The following PIP5K1B variants were observed in gnomAD, a reference collection of about 807,000 sequenced individuals.
PIP5K1B encodes the protein phosphatidylinositol 4-phosphate 5-kinase type-1 beta.
Under a neutral mutation model 67.0 loss-of-function variants are expected in PIP5K1B, and 42 were observed. That is an observed-to-expected ratio of 0.63 (90% CI 0.49 to 0.81). PIP5K1B has a LOEUF of 0.81. Among genes scored for constraint, PIP5K1B ranks in the 30% least tolerant of loss-of-function variants. PIP5K1B has a pLI of 0.00. For missense variants in PIP5K1B, 459 were observed against 646.3 expected, an observed-to-expected ratio of 0.71 and a Z score of 3.14; for synonymous variants, 214 against 231.4, an observed-to-expected ratio of 0.92 and a Z score of 0.68.
At chr9:68,891,499 A>G (rs1824785794) in intron 7 of PIP5K1B, among the ~76,000 whole-genome samples, 1 of 151,790 alleles carries the variant, frequency 6.6e-6, no homozygotes, top group Admixed American at 6.6e-5. Context: ...TTGTACATTT[A>G]TCAGTCTTCC....
At chr9:68,946,912 A>G (rs922909568) in intron 14 of PIP5K1B, among the ~76,000 whole-genome samples, 1 of 152,240 alleles carries the variant, frequency 6.6e-6, no homozygotes, top group Non-Finnish European at 1.5e-5. Flanking sequence ...GTGAATTACT[A>G]TACTACTGCC....
At chr9:68,768,931 G>T (rs1009555621) in intron 2 of PIP5K1B, among the ~76,000 whole-genome samples, 1 of 152,120 alleles carries the variant, frequency 6.6e-6, no homozygotes, top group African/African-American at 2.4e-5. Flanking sequence ...AAAGATACTG[G>T]GCAAACCTTC....
intron 14 of PIP5K1B, among the ~76,000 whole-genome samples, chr9:68,941,580 A>G (rs927607310): frequency 8.5e-5 from 13 of 152,236 alleles, no homozygotes; most frequent in African/African-American, 2.9e-4. Flanking sequence ...AGTGTTATAA[A>G]AATAGAAACA....
chr9:68,979,961 C>T (rs1829819764), intron 14 of PIP5K1B, among the ~76,000 whole-genome samples: 2 of 152,270 alleles, frequency 1.3e-5, no homozygotes, highest in South Asian at 2.1e-4. Flanking sequence ...TGGTGGCAGG[C>T]GGCTAAGCAT....
chr9:68,896,983 T>C (rs1825122112), intron 8 of PIP5K1B, among the ~76,000 whole-genome samples: 1 of 152,150 alleles, frequency 6.6e-6, no homozygotes, highest in African/African-American at 2.4e-5. Context: ...TACCTCTCTC[T>C]CTCTTCAGGT....
At chr9:68,778,240 C>T (rs774313042) in intron 2 of PIP5K1B, among the ~76,000 whole-genome samples, 3 of 152,180 alleles carry the variant, frequency 2.0e-5, no homozygotes, top group African/African-American at 7.2e-5. Context: ...GAACCTCAAT[C>T]GTTCCTTCGT....
At chr9:68,815,471 A>G (rs945594222) in intron 2 of PIP5K1B, among the ~76,000 whole-genome samples, 8 of 152,164 alleles carry the variant, frequency 5.3e-5, no homozygotes, top group African/African-American at 1.9e-4. Context: ...AGGAATGAGG[A>G]AAAAAAATTG....
In PIP5K1B at chr9:69,008,573, C is replaced by T. The variant is rs559593464; in HGVS notation, c.*124C>T. ...GCCCCACTACACACAGAGAAATCAT[C>T]AACCTGACTTAAGAGTTTTCAAGAT... On this transcript the variant is annotated 3_prime_UTR_variant, in exon 16 of 16. Transcript: ENST00000265382. 1 of 929,032 alleles carries T rather than the reference C, an allele frequency of 1.1e-6. No individual in the cohort carries two copies. The highest frequency in any genetic ancestry group is 2.5e-5 in the East Asian group (1 of 40,740). The allele number at this position is 929,032 out of a possible 1,614,324, so 57.5% of individuals were successfully genotyped here.
intron 2 of PIP5K1B, among the ~76,000 whole-genome samples, chr9:68,761,500 A>G (rs1399774160): frequency 1.3e-5 from 2 of 152,140 alleles, no homozygotes; most frequent in South Asian, 4.1e-4. Context: ...ATGCAAATGT[A>G]TTATCTCATA....
At position 68,991,010 on chromosome 9, in the gene PIP5K1B, A is replaced by G. The variant is rs955694785; in HGVS notation, c.1503-130A>G. 7 of 674,670 alleles carry G rather than the reference A, an allele frequency of 1.0e-5. No homozygotes were observed. In the African/African-American group the frequency reaches 1.2e-4, roughly 12 times the overall value. 41.8% of individuals were successfully genotyped at this position (674,670 alleles called of 1,614,324 possible). ...AGTGACCATGTCTCCAGGCATAACC[A>G]TATTTCCTTCAAATTCTCAAAATTG... On this transcript the variant is annotated intron_variant, in intron 14 of 15. Coordinates refer to ENST00000265382, the MANE Select transcript of PIP5K1B (RefSeq NM_003558.4).
chr9:68,721,198 A>G (rs1408516094), intron 1 of PIP5K1B, among the ~76,000 whole-genome samples: 1 of 152,188 alleles, frequency 6.6e-6, no homozygotes, highest in Middle Eastern at 3.2e-3. Context: ...AGTTTGATGG[A>G]GAAGTGATGA....
intron 8 of PIP5K1B, among the ~76,000 whole-genome samples, chr9:68,896,000 G>A (rs998181642): frequency 6.6e-6 from 1 of 151,050 alleles, no homozygotes; most frequent in Non-Finnish European, 1.5e-5. Context: ...TCACTCTGAG[G>A]ATTTTTTTTT....
chr9:69,004,915 A>G (rs772461448), intron 15 of PIP5K1B, among the ~76,000 whole-genome samples: 14 of 152,312 alleles, frequency 9.2e-5, no homozygotes, highest in Admixed American at 2.6e-4. Flanking sequence ...GATCCCACAG[A>G]TACCTCTCCA....
chr9:68,886,979 A>C (rs1232714450), intron 6 of PIP5K1B, among the ~76,000 whole-genome samples: 1 of 152,000 alleles, frequency 6.6e-6, no homozygotes, highest in African/African-American at 2.4e-5. Context: ...ACCACATCTC[A>C]GGCCTTTGCA....
At chr9:68,889,843 T>G (rs11144152) in intron 7 of PIP5K1B, among the ~76,000 whole-genome samples, 14,849 of 152,162 alleles carry the variant, frequency 0.098, 856 homozygotes, top group Non-Finnish European at 0.14. Flanking sequence ...GCAATGTGTT[T>G]CAAAGCTCTT....
At chr9:69,001,903 G>T (rs1397732096) in intron 15 of PIP5K1B, among the ~76,000 whole-genome samples, 1 of 152,142 alleles carries the variant, frequency 6.6e-6, no homozygotes, top group Non-Finnish European at 1.5e-5. Context: ...GCTTCTCTTG[G>T]GTCCTTAGGA....
intron 2 of PIP5K1B, among the ~76,000 whole-genome samples, chr9:68,806,383 GC>G (rs1832871691): frequency 6.6e-6 from 1 of 152,186 alleles, no homozygotes; most frequent in Admixed American, 6.5e-5. Context: ...CTGCAGCTCT[GC>G]CCTGGTCTTT....
intron 5 of PIP5K1B, among the ~76,000 whole-genome samples, chr9:68,864,986 T>A (rs1823285985): frequency 6.6e-6 from 1 of 152,218 alleles, no homozygotes; most frequent in South Asian, 2.1e-4. Flanking sequence ...TGTGTCTAGG[T>A]GTCAACTGCC....
chr9:68,868,505 C>T (rs971012987), intron 5 of PIP5K1B, among the ~76,000 whole-genome samples: 5 of 152,082 alleles, frequency 3.3e-5, no homozygotes, highest in South Asian at 2.1e-4. Flanking sequence ...ATGGTAAAGC[C>T]GAGATTTTAA....
Sources: gnomAD v4.1 joint callset for allele counts (sites outside exome capture counted in the v4.1 genomes callset) on GRCh38, gnomAD v4.1.1 for gene constraint, MANE v1.5 for transcripts, NCBI Gene and HGNC (gene_info 2026-07-23, HGNC 2026-07-21) for gene names.